The following NRXN1 variants were observed in gnomAD, a reference collection of about 807,000 sequenced individuals.
NRXN1 encodes the protein neurexin 1.
NRXN1 carries 39 observed loss-of-function variants against 150.9 expected under a neutral mutation model. The ratio of observed to expected loss-of-function variants is 0.26; its 90% CI spans 0.20 to 0.34. The LOEUF is 0.34. Among genes scored for constraint, NRXN1 ranks in the 10% least tolerant of loss-of-function variants. The pLI is 1.00. For missense variants in NRXN1, 1,815 were observed against 1,949.9 expected (o/e 0.93, Z 1.30); for synonymous variants, 924 against 757.0 (o/e 1.22, Z -3.62).
chr2:50,201,923 A>G (rs1046191239), intron 18 of NRXN1, among the ~76,000 whole-genome samples: 1 of 152,116 alleles, frequency 6.6e-6, no homozygotes, highest in African/African-American at 2.4e-5. Context: ...CCTGTATTTA[A>G]AAGTTTTCCT....
intron 18 of NRXN1, among the ~76,000 whole-genome samples, chr2:50,229,761 T>C (rs1267927604): frequency 2.0e-5 from 3 of 152,140 alleles, no homozygotes; most frequent in African/African-American, 2.4e-5. Flanking sequence ...AATTGCATTA[T>C]AGGTGATCAA....
intron 2 of NRXN1, among the ~76,000 whole-genome samples, chr2:50,933,113 G>A (rs891521189): frequency 6.6e-6 from 1 of 151,934 alleles, no homozygotes; most frequent in African/African-American, 2.4e-5. Flanking sequence ...ATTAGGTCCA[G>A]GTTTATAAAT....
At chr2:50,010,423 G>C (rs1453530958) in intron 21 of NRXN1, among the ~76,000 whole-genome samples, 1 of 152,122 alleles carries the variant, frequency 6.6e-6, no homozygotes, top group Non-Finnish European at 1.5e-5. Flanking sequence ...ATCCAAGTCA[G>C]ATCTGATGAA....
At chr2:50,676,167 T>C (rs1689512585) in intron 5 of NRXN1, among the ~76,000 whole-genome samples, 2 of 152,070 alleles carry the variant, frequency 1.3e-5, no homozygotes, top group African/African-American at 4.8e-5. Context: ...CACCCTTCTC[T>C]CTCTTGCTCC....
At chr2:50,659,650 G>T (rs1687006728) in intron 5 of NRXN1, among the ~76,000 whole-genome samples, 2 of 151,370 alleles carry the variant, frequency 1.3e-5, no homozygotes, top group Admixed American at 6.6e-5. Flanking sequence ...TCTGTACAGT[G>T]TAAGTTGAAT....
At position 50,346,708 on chromosome 2, in the gene NRXN1, G is replaced by C; in HGVS notation, c.3365-109738C>G. 6.2e-7 allele frequency: 1 copy of C among 1,613,680 alleles called. No homozygotes were observed. Among genetic ancestry groups the C allele is most frequent in the East Asian group, 2.2e-5 (1 of 44,812 alleles). Reference sequence around the variant, plus strand: ...AGACCCACCGTGTCCGCCTCGCAAGGATGCCGGTGACCTGTAGATTGCAAT... The same window carrying C: ...AGACCCACCGTGTCCGCCTCGCAAGCATGCCGGTGACCTGTAGATTGCAAT... On this transcript the variant is annotated intron_variant, in intron 17 of 22. Coordinates refer to ENST00000401669, the MANE Select transcript of NRXN1 (RefSeq NM_001330078.2). The surrounding 1 kb of genome is among the most constrained non-coding windows in gnomAD (Gnocchi z 5.0).
intron 5 of NRXN1, among the ~76,000 whole-genome samples, chr2:50,661,013 A>G (rs2104640439): frequency 6.6e-6 from 1 of 152,174 alleles, no homozygotes; most frequent in South Asian, 2.1e-4. Context: ...GAAAGGACAT[A>G]TCTTTCATTC....
chr2:50,906,852 T>C (rs939822306), intron 5 of NRXN1, among the ~76,000 whole-genome samples: 4 of 152,090 alleles, frequency 2.6e-5, no homozygotes, highest in Non-Finnish European at 5.9e-5. Flanking sequence ...ACATGTGGAT[T>C]ACATGTGTTG....
chr2:50,507,252 C>T (rs1217915818), intron 12 of NRXN1, among the ~76,000 whole-genome samples: 2 of 151,962 alleles, frequency 1.3e-5, no homozygotes, highest in Non-Finnish European at 2.9e-5. Flanking sequence ...AAAAACACAT[C>T]GAAATAAACC....
At chr2:50,212,182 CT>C (rs2063070012) in intron 18 of NRXN1, among the ~76,000 whole-genome samples, 1 of 150,788 alleles carries the variant, frequency 6.6e-6, no homozygotes, top group African/African-American at 2.4e-5. Flanking sequence ...TGTGAGTCAT[CT>C]TTTTTCAGTT....
At position 51,028,497 on chromosome 2, in the gene NRXN1, C is replaced by T. The variant is rs201347407; in HGVS notation, c.-224G>A. The T allele has an allele frequency of 1.7e-4, 71 of 420,910 alleles. 1 individual carries two copies. Among genetic ancestry groups the T allele is most frequent in the South Asian group, 3.5e-4 (4 of 11,326 alleles). The allele number at this position is 420,910 out of a possible 1,614,324, so 26.1% of individuals were successfully genotyped here. A position where few individuals can be genotyped will look rare whatever the true frequency, so the allele number is the denominator to read the frequency against. On this transcript the variant is annotated 5_prime_UTR_variant, in exon 2 of 23. Coordinates refer to ENST00000401669, the MANE Select transcript of NRXN1 (RefSeq NM_001330078.2). ...CTCTTCCAACTGGAAAACGTTGACCCCAGTGGTACAGGGTAGCCACAGAAC... is the reference window on the plus strand; with the variant it reads ...CTCTTCCAACTGGAAAACGTTGACCTCAGTGGTACAGGGTAGCCACAGAAC...
rs186153666 is a variant in NRXN1 at position 50,375,882 on chromosome 2, G to C, written c.3364+89560C>G. The stretch of plus-strand genomic sequence containing the variant: ...AAGTTTTTGGAAAAAACAATTTTAG[G>C]CTCCGAAATAAGAAATAAATACAAC... On this transcript the variant is annotated intron_variant, in intron 17 of 22. Coordinates refer to ENST00000401669, the MANE Select transcript of NRXN1 (RefSeq NM_001330078.2). 2.2e-4 allele frequency among the ~76,000 whole-genome samples: 34 copies of C among 151,908 alleles called. 1 individual carries two copies. Among genetic ancestry groups the C allele is most frequent in the African/African-American group, 7.5e-4 (31 of 41,470 alleles).
rs929990857 is a variant in NRXN1 at position 49,974,215 on chromosome 2, T to A, written c.4129-30424A>T. The A allele has an allele frequency of 4.3e-6, 3 of 693,154 alleles. No homozygotes were observed. The Admixed American group carries it at 6.1e-5, about 14-fold the overall frequency. The allele number at this position is 693,154 out of a possible 1,614,324, so 42.9% of individuals were successfully genotyped here. A position where few individuals can be genotyped will look rare whatever the true frequency, so the allele number is the denominator to read the frequency against. ...AAAGACACAGAAAACGCTCTGTCAG[T>A]CACGTGTCACTGAGGAGCCAATGGC... On this transcript the variant is annotated intron_variant, in intron 21 of 22. Transcript: ENST00000401669.
In NRXN1 at chr2:50,424,306, G is replaced by A. The variant is rs144532999; in HGVS notation, c.3364+41136C>T. 8.9e-3 allele frequency among the ~76,000 whole-genome samples: 987 copies of A among 111,228 alleles called. 19 individuals are homozygous for A. The highest frequency in any genetic ancestry group is 0.032 in the African/African-American group (924 of 28,852). 73.0% of individuals were successfully genotyped at this position (111,228 alleles called of 152,430 possible). On this transcript the variant is annotated intron_variant, in intron 17 of 22. Coordinates refer to ENST00000401669, the MANE Select transcript of NRXN1 (RefSeq NM_001330078.2). ...GGGGGAGGAAGAAGAAGGAGGAGGAGGAGGGGGAGGAGGAGGAGGAGGAGG... is the reference window on the plus strand; with the variant it reads ...GGGGGAGGAAGAAGAAGGAGGAGGAAGAGGGGGAGGAGGAGGAGGAGGAGG...
intron 5 of NRXN1, among the ~76,000 whole-genome samples, chr2:50,848,285 GGATTGAAACTAGGTCT>G (rs1156424196): frequency 6.6e-6 from 1 of 152,136 alleles, no homozygotes; most frequent in African/African-American, 2.4e-5. Flanking sequence ...TTCAGAAGCT[GGATTGAAACTAGGTCT>G]GATTCCAGCA....
At chr2:50,084,931 A>C (rs138107399) in intron 19 of NRXN1, among the ~76,000 whole-genome samples, 185 of 152,354 alleles carry the variant, frequency 1.2e-3, no homozygotes, top group African/African-American at 4.2e-3. Flanking sequence ...TATACTACTT[A>C]ATAAAAAAGT....
intron 2 of NRXN1, among the ~76,000 whole-genome samples, chr2:51,003,756 G>T (rs11890124): frequency 4.0e-4 from 61 of 152,026 alleles, no homozygotes; most frequent in African/African-American, 1.4e-3. Context: ...GCAAAGGAGA[G>T]GGGGAGGAAG....
At chr2:50,522,032 A>C (rs2092803474) in intron 12 of NRXN1, among the ~76,000 whole-genome samples, 1 of 152,186 alleles carries the variant, frequency 6.6e-6, no homozygotes, top group Non-Finnish European at 1.5e-5. Flanking sequence ...GACAGAAAGA[A>C]AGAGAGAGAG....
rs1442195856 is a variant in NRXN1 at position 50,465,442 on chromosome 2, G to A, written c.3364C>T (p.Pro1122Ser). 3.7e-6 allele frequency: 6 copies of A among 1,606,994 alleles called. No homozygotes were observed. The highest frequency in any genetic ancestry group is 1.7e-5 in the Admixed American group (1 of 59,302). Residue 1122 changes from proline to serine, a missense_variant and splice_region_variant, in exon 17 of 23, where the codon CCT becomes TCT. By Grantham distance (74) the Pro-to-Ser change is moderately conservative. Around this residue, in one of 6 missense-constraint regions of NRXN1, gnomAD observed 339 missense variants for 440.3 expected, o/e 0.77. Transcript: ENST00000401669. ...TSFSGPLCND[P>S]GTTYIFSKGG... ...AGTCCATACTCAGAGAGGTACTTAC[G>A]GTCATTGCAGAGTGGTCCACTGAAG...
Sources: gnomAD v4.1 joint callset for allele counts (sites outside exome capture counted in the v4.1 genomes callset) on GRCh38, gnomAD v4.1.1 for gene constraint, gnomAD v4.1.1 regional missense constraint, Gnocchi (gnomAD v3.1) non-coding constraint, MANE v1.5 for transcripts, NCBI Gene and HGNC (gene_info 2026-07-23, HGNC 2026-07-21) for gene names.